Variants in ZFPM2 observed in about 807,000 individuals in gnomAD.
The protein encoded by ZFPM2 is zinc finger protein, FOG family member 2.
In ZFPM2, 20 loss-of-function variants were observed where a neutral mutation model predicts 98.6. The ratio of observed to expected loss-of-function variants is 0.20; its 90% CI spans 0.14 to 0.29. ZFPM2 has a LOEUF of 0.29. ZFPM2 is among the 10% of genes least tolerant of loss of function. The pLI, the probability that ZFPM2 is intolerant of heterozygous loss-of-function variation, is 1.00. For missense variants in ZFPM2, 1,310 were observed against 1,388.6 expected (o/e 0.94, Z 0.90); for synonymous variants, 518 against 502.7 (o/e 1.03, Z -0.41).
At chr8:105,790,704 T>C (rs2131142288) in intron 6 of ZFPM2, among the ~76,000 whole-genome samples, 1 of 152,344 alleles carries the variant, frequency 6.6e-6, no homozygotes, top group African/African-American at 2.4e-5. Flanking sequence ...ATTTTCACTA[T>C]ATTGATTCTT....
At position 105,802,534 on chromosome 8, in the gene ZFPM2, C is replaced by T; in HGVS notation, c.2452C>T (p.His818Tyr). ...CVPVSKCDTT[H>Y]SSVSCLEMDV... The stretch of plus-strand genomic sequence containing the variant: ...TCCAGTTTCCAAATGTGATACTACT[C>T]ATTCCAGTGTTTCCTGCCTAGAGAT... The change falls in exon 8 of 8, where the codon CAT (histidine) becomes TAT (tyrosine). Residue 818 changes from histidine to tyrosine, a missense_variant. By Grantham distance (83) the His-to-Tyr change is moderately conservative (BLOSUM62 2). Transcript: ENST00000407775. 6.2e-7 allele frequency: 1 copy of T among 1,611,850 alleles called. No homozygotes were observed. Among genetic ancestry groups the T allele is most frequent in the Non-Finnish European group, 8.5e-7 (1 of 1,178,896 alleles).
intron 3 of ZFPM2, among the ~76,000 whole-genome samples, chr8:105,476,682 T>C (rs1189599944): frequency 6.6e-6 from 1 of 152,210 alleles, no homozygotes; most frequent in Non-Finnish European, 1.5e-5. Context: ...GTGATTTGCA[T>C]AGTATAGGGC....
chr8:105,629,879 C>A (rs2130831913), intron 4 of ZFPM2, among the ~76,000 whole-genome samples: 1 of 152,242 alleles, frequency 6.6e-6, no homozygotes, highest in East Asian at 1.9e-4. Flanking sequence ...CCTTTCACTT[C>A]TAATTCTAAG....
At chr8:105,364,838 C>T (rs1445374677) in intron 1 of ZFPM2, among the ~76,000 whole-genome samples, 1 of 152,050 alleles carries the variant, frequency 6.6e-6, no homozygotes, top group Admixed American at 6.6e-5. Context: ...GTAGTGCATC[C>T]TTAGAAGCTG....
intron 1 of ZFPM2, among the ~76,000 whole-genome samples, chr8:105,400,563 T>G (rs1811320231): frequency 6.6e-6 from 1 of 152,206 alleles, no homozygotes; most frequent in Non-Finnish European, 1.5e-5. Flanking sequence ...TTTATTAAAT[T>G]CTTACAAATG....
At chr8:105,499,921 G>A (rs766421569) in intron 3 of ZFPM2, among the ~76,000 whole-genome samples, 6 of 152,080 alleles carry the variant, frequency 3.9e-5, no homozygotes, top group Non-Finnish European at 8.8e-5. Context: ...ATTCTTACAT[G>A]GAACTTTCAT....
At chr8:105,757,817 G>A (rs1471418552) in intron 5 of ZFPM2, among the ~76,000 whole-genome samples, 2 of 151,836 alleles carry the variant, frequency 1.3e-5, no homozygotes, top group African/African-American at 4.8e-5. Flanking sequence ...ATTATGTCAT[G>A]TGTGCAGAAA....
Position 105,634,315 on chromosome 8 carries a change from G to A in ZFPM2, c.490G>A (p.Gly164Arg), listed in dbSNP as rs773200163. The stretch of plus-strand genomic sequence containing the variant: ...GTGGTTGCTGGATGTGACTTGGCAA[G>A]GAGTGGAAGACAACAAAAACAACTG... ...PKWLLDVTWQ[G>R]VEDNKNNCIV... Residue 164 changes from glycine to arginine, a missense_variant, in exon 5 of 8, where the codon GGA becomes AGA. By Grantham distance (125) the Gly-to-Arg change is moderately radical (BLOSUM62 -2). Coordinates refer to ENST00000407775, the MANE Select transcript of ZFPM2 (RefSeq NM_012082.4). The A allele has an allele frequency of 6.2e-6, 10 of 1,612,936 alleles. No individual in the cohort carries two copies. In the Admixed American group the frequency reaches 6.7e-5, roughly 11 times the overall value.
At chr8:105,341,608 A>T (rs1462910978) in intron 1 of ZFPM2, among the ~76,000 whole-genome samples, 2 of 151,898 alleles carry the variant, frequency 1.3e-5, no homozygotes, top group South Asian at 2.1e-4. Flanking sequence ...ATATATATGT[A>T]TTTCCCTGAA....
At chr8:105,347,372 A>C (rs1205654249) in intron 1 of ZFPM2, among the ~76,000 whole-genome samples, 1 of 152,170 alleles carries the variant, frequency 6.6e-6, no homozygotes, top group Non-Finnish European at 1.5e-5. Flanking sequence ...TAGTCTTACA[A>C]AGTTGCTTTA....
intron 5 of ZFPM2, among the ~76,000 whole-genome samples, chr8:105,682,725 T>C (rs1810637810): frequency 6.6e-6 from 1 of 152,138 alleles, no homozygotes; most frequent in South Asian, 2.1e-4. Context: ...CTGGGGAATG[T>C]AATCCAGCTG....
intron 5 of ZFPM2, among the ~76,000 whole-genome samples, chr8:105,663,339 A>G (rs1438349322): frequency 6.6e-6 from 1 of 152,202 alleles, no homozygotes; most frequent in African/African-American, 2.4e-5. Flanking sequence ...CACAAAAATA[A>G]TTTTTGTTTT....
In ZFPM2 at chr8:105,590,897, A is replaced by G. The variant is rs548829766; in HGVS notation, c.420+29416A>G. 3.9e-5 allele frequency among the ~76,000 whole-genome samples: 6 copies of G among 152,356 alleles called. 1 individual carries two copies. In the South Asian group the frequency reaches 1.2e-3, roughly 32 times the overall value. ...ACCCATATATCAGACTTGAAAGGGTATAGTTCTGCCATAGTATTAGTAGTT... is the reference window on the plus strand; with the variant it reads ...ACCCATATATCAGACTTGAAAGGGTGTAGTTCTGCCATAGTATTAGTAGTT... On this transcript the variant is annotated intron_variant, in intron 4 of 7. Coordinates refer to ENST00000407775, the MANE Select transcript of ZFPM2 (RefSeq NM_012082.4).
chr8:105,521,933 T>C (rs560763135), intron 3 of ZFPM2, among the ~76,000 whole-genome samples: 10 of 152,286 alleles, frequency 6.6e-5, no homozygotes, highest in African/African-American at 2.2e-4. Context: ...TCTATGGATA[T>C]AAACACCTAT....
rs1811743700 is a variant in ZFPM2 at position 105,419,187 on chromosome 8, A to G, written c.84A>G (p.Pro28=). Reference sequence around the variant, plus strand: ...TTGAAGATGAGGAAGAAGAATGTCCATCAGAGGAAACAGACATCATCTCCA... The same window carrying G: ...TTGAAGATGAGGAAGAAGAATGTCCGTCAGAGGAAACAGACATCATCTCCA... ...DAIEDEEEEC[P]SEETDIISKG... is the part of the protein sequence containing the mutation. Residue 28 remains proline, a synonymous_variant, in exon 2 of 8, where the codon CCA becomes CCG. Coordinates refer to ENST00000407775, the MANE Select transcript of ZFPM2 (RefSeq NM_012082.4). 6.2e-7 allele frequency: 1 copy of G among 1,613,682 alleles called. No homozygotes were observed.
chr8:105,753,391 C>T (rs540434881), intron 5 of ZFPM2, among the ~76,000 whole-genome samples: 2 of 152,184 alleles, frequency 1.3e-5, no homozygotes, highest in African/African-American at 4.8e-5. Context: ...CACACCTCAC[C>T]TTTCAACCAG....
chr8:105,469,999 AT>A (rs1245141702), intron 3 of ZFPM2, among the ~76,000 whole-genome samples: 1 of 152,230 alleles, frequency 6.6e-6, no homozygotes, highest in African/African-American at 2.4e-5. Context: ...TACTTAAAAT[AT>A]TAGCCATTGT....
chr8:105,494,192 TATATATATATA>T (rs1199390669), intron 3 of ZFPM2, among the ~76,000 whole-genome samples: 1 of 82,568 alleles, frequency 1.2e-5, no homozygotes, highest in Non-Finnish European at 2.3e-5. Flanking sequence ...AGTATATATA[TATATATATATA>T]TATATATATA....
intron 5 of ZFPM2, among the ~76,000 whole-genome samples, chr8:105,668,595 A>G (rs1672088847): frequency 6.6e-6 from 1 of 152,194 alleles, no homozygotes; most frequent in Non-Finnish European, 1.5e-5. Context: ...GATGGAAGCC[A>G]TAGTTATAAA....
Sources: gnomAD v4.1 joint callset for allele counts (sites outside exome capture counted in the v4.1 genomes callset) on GRCh38, gnomAD v4.1.1 for gene constraint, MANE v1.5 for transcripts, NCBI Gene and HGNC (gene_info 2026-07-23, HGNC 2026-07-21) for gene names.